The following GALNT7 variants were observed in gnomAD, a reference collection of about 807,000 sequenced individuals.
GALNT7 encodes the protein polypeptide N-acetylgalactosaminyltransferase 7, also known as N-acetylgalactosaminyltransferase 7.
A neutral mutation model predicts 82.1 loss-of-function variants in GALNT7; 60 were observed. That is an observed-to-expected ratio of 0.73 (90% CI 0.59 to 0.91). GALNT7 has a LOEUF of 0.91. Among genes scored for constraint, GALNT7 ranks in the 40% least tolerant of loss-of-function variants. The pLI, the probability that GALNT7 is intolerant of heterozygous loss-of-function variation, is 0.00. For synonymous variants in GALNT7, 243 were observed against 275.1 expected (o/e 0.88, Z 1.15); for missense variants, 660 against 804.2 (o/e 0.82, Z 2.17).
At chr4:173,274,075 C>T (rs1735819094) in intron 2 of GALNT7, among the ~76,000 whole-genome samples, 1 of 152,130 alleles carries the variant, frequency 6.6e-6, no homozygotes, top group Admixed American at 6.5e-5. Context: ...ATATGGCTTA[C>T]ACTGTGAAAT....
At chr4:173,275,966 C>G (rs937243318) in intron 2 of GALNT7, among the ~76,000 whole-genome samples, 4 of 152,164 alleles carry the variant, frequency 2.6e-5, no homozygotes, top group Admixed American at 2.6e-4. Context: ...TGGCACCATA[C>G]AGTACACTCC....
chr4:173,200,472 G>A (rs958306420), intron 1 of GALNT7, among the ~76,000 whole-genome samples: 1 of 151,388 alleles, frequency 6.6e-6, no homozygotes, highest in South Asian at 2.1e-4. Context: ...AGAATATCTC[G>A]CTTTACATAT....
chr4:173,318,358 G>A (rs1737678904), intron 10 of GALNT7, 73 bp from the exon 11 acceptor site: 1 of 1,213,056 alleles, frequency 8.2e-7, no homozygotes, highest in Non-Finnish European at 1.2e-6. Context: ...TAGGAGTTAA[G>A]TTTCTTTCTT....
intron 1 of GALNT7, among the ~76,000 whole-genome samples, chr4:173,182,036 G>C (rs1284747351): frequency 6.6e-6 from 1 of 152,172 alleles, no homozygotes; most frequent in African/African-American, 2.4e-5. Flanking sequence ...CCACCGCTCT[G>C]TTAACTGGTA....
At position 173,292,011 on chromosome 4, in the gene GALNT7, G is replaced by T; in HGVS notation, c.588-97G>T. 1 of 718,004 alleles carries T rather than the reference G, an allele frequency of 1.4e-6. No individual in the cohort carries two copies. Among genetic ancestry groups the T allele is most frequent in the Admixed American group, 2.9e-5 (1 of 34,048 alleles). The allele number at this position is 718,004 out of a possible 1,614,324, so 44.5% of individuals were successfully genotyped here. On this transcript the variant is annotated intron_variant, in intron 2 of 11. Coordinates refer to ENST00000265000, the MANE Select transcript of GALNT7 (RefSeq NM_017423.3). This position sits in a 1 kb window ranked among gnomAD's most constrained non-coding sequence, Gnocchi z 4.8. ...TATTTCATTCACTTACCGTAGTTAA[G>T]TCGATAGTATGTAATCCAATCAGCA... is the stretch of plus-strand genomic sequence containing the variant.
chr4:173,233,805 C>T (rs1031801131), intron 1 of GALNT7, among the ~76,000 whole-genome samples: 6 of 152,308 alleles, frequency 3.9e-5, no homozygotes, highest in African/African-American at 1.4e-4. Context: ...CTTGCCTTTG[C>T]TTTTAAAAAT....
chr4:173,291,962 A>G (rs73872535), intron 2 of GALNT7, 146 bp from the exon 3 acceptor site: 6,960 of 560,018 alleles, frequency 0.012, 356 homozygotes, highest in African/African-American at 0.11. Flanking sequence ...TTTATCTTGC[A>G]TTTCTGTTAA....
rs541625253 is a variant in GALNT7, at chr4:173,209,713, G to T, written c.127-38267G>T. ...GATGGCCTTCAGGCCATTTCGTCAG[G>T]CTCCCTCTTTCCCACCCTACCTGCC... is the stretch of plus-strand genomic sequence containing the variant. On this transcript the variant is annotated intron_variant, in intron 1 of 11. Transcript: ENST00000265000. Among the ~76,000 whole-genome samples the T allele has an allele frequency of 2.0e-5, 3 of 150,886 alleles. No individual in the cohort carries two copies. In the East Asian group the frequency reaches 5.9e-4, roughly 30 times the overall value.
At chr4:173,264,273 A>G (rs546043184) in intron 2 of GALNT7, among the ~76,000 whole-genome samples, 1 of 152,358 alleles carries the variant, frequency 6.6e-6, no homozygotes, top group Admixed American at 6.5e-5. Context: ...AAGCCAGAGT[A>G]ACTAAGATAT....
chr4:173,247,919 GA>G, intron 1 of GALNT7, 60 bp from the exon 2 acceptor site: 1 of 1,093,718 alleles, frequency 9.1e-7, no homozygotes, highest in Non-Finnish European at 1.3e-6. Flanking sequence ...TTGGTCTCAT[GA>G]GCTCTACTGT....
chr4:173,279,843 C>T (rs367714232), intron 2 of GALNT7, among the ~76,000 whole-genome samples: 36 of 152,068 alleles, frequency 2.4e-4, no homozygotes, highest in African/African-American at 7.7e-4. Context: ...GGTGTGGTGG[C>T]GCGTACCTGT....
intron 6 of GALNT7, among the ~76,000 whole-genome samples, chr4:173,298,523 T>C (rs569760747): frequency 2.0e-4 from 31 of 152,322 alleles, no homozygotes; most frequent in Admixed American, 8.5e-4. Flanking sequence ...CACACTTTCA[T>C]TGGGGAAAGA....
chr4:173,228,269 A>C (rs2126703404), intron 1 of GALNT7, among the ~76,000 whole-genome samples: 1 of 77,630 alleles, frequency 1.3e-5, no homozygotes, highest in Admixed American at 1.1e-4. Flanking sequence ...TCACCAGAGA[A>C]AACTGCTTTT....
chr4:173,209,922 C>T (rs913326169), intron 1 of GALNT7, among the ~76,000 whole-genome samples: 1 of 152,150 alleles, frequency 6.6e-6, no homozygotes, highest in Non-Finnish European at 1.5e-5. Flanking sequence ...ATCACGAGGT[C>T]AGGAGTTCCA....
At chr4:173,255,971 T>C (rs1735022399) in intron 2 of GALNT7, among the ~76,000 whole-genome samples, 1 of 152,224 alleles carries the variant, frequency 6.6e-6, no homozygotes, top group Non-Finnish European at 1.5e-5. Context: ...GTTTGGTAAA[T>C]AGGGAAATTA....
intron 1 of GALNT7, among the ~76,000 whole-genome samples, chr4:173,174,362 G>A (rs1427435086): frequency 6.6e-6 from 1 of 152,202 alleles, no homozygotes; most frequent in East Asian, 1.9e-4. Flanking sequence ...TTTGAAGGCA[G>A]GGTTCATGTT....
chr4:173,293,053 A>G (rs978751869), intron 3 of GALNT7, among the ~76,000 whole-genome samples: 2 of 152,178 alleles, frequency 1.3e-5, no homozygotes, highest in Non-Finnish European at 2.9e-5. Context: ...CTGTTGGTAC[A>G]ATAATAATTG....
In GALNT7 at chr4:173,175,694, G is replaced by A. The variant is rs186324752; in HGVS notation, c.126+6733G>A. Among the ~76,000 whole-genome samples the A allele has an allele frequency of 1.8e-3, 275 of 152,316 alleles. 2 individuals carry two copies. The highest frequency in any genetic ancestry group is 1.8e-3 in the Non-Finnish European group (122 of 68,040). Reference sequence around the variant, plus strand: ...GTCTGAGCACATCTGGACTTAAGATGTCTTATGATTCTTCAAGTTTACAGT... The same window carrying A: ...GTCTGAGCACATCTGGACTTAAGATATCTTATGATTCTTCAAGTTTACAGT... On this transcript the variant is annotated intron_variant, in intron 1 of 11. Transcript: ENST00000265000.
At chr4:173,254,754 GACT>G (rs1399955499) in intron 2 of GALNT7, among the ~76,000 whole-genome samples, 2 of 152,076 alleles carry the variant, frequency 1.3e-5, no homozygotes, top group African/African-American at 4.8e-5. Flanking sequence ...TTATTTTTCA[GACT>G]ACAGTTTGGC....
Sources: gnomAD v4.1 joint callset for allele counts (sites outside exome capture counted in the v4.1 genomes callset) on GRCh38, gnomAD v4.1.1 for gene constraint, Gnocchi (gnomAD v3.1) non-coding constraint, MANE v1.5 for transcripts, NCBI Gene and HGNC (gene_info 2026-07-23, HGNC 2026-07-21) for gene names.